SEMA3D: variants seen among roughly 807,000 people sequenced by gnomAD.
SEMA3D encodes semaphorin 3D, also known as semaphorin-3D.
Under a neutral mutation model 100.1 loss-of-function variants are expected in SEMA3D, and 84 were observed. The observed-to-expected ratio is 0.84, with a 90% CI of 0.70 to 1.01. The LOEUF is 1.01. Ranked by LOEUF, SEMA3D falls within the 50% of genes least tolerant of loss-of-function variation. The pLI is 0.00. For synonymous variants in SEMA3D, 312 were observed against 320.7 expected, an observed-to-expected ratio of 0.97 and a Z score of 0.29; for missense variants, 875 against 934.1, an observed-to-expected ratio of 0.94 and a Z score of 0.82.
At chr7:85,107,024 T>C (rs961023004) in intron 3 of SEMA3D, among the ~76,000 whole-genome samples, 1 of 152,034 alleles carries the variant, frequency 6.6e-6, no homozygotes, top group Non-Finnish European at 1.5e-5. Context: ...TCCAAGACTT[T>C]GAATGTGTCT....
intron 2 of SEMA3D, chr7:85,142,786 A>G: frequency 3.0e-6 from 3 of 984,670 alleles, no homozygotes; most frequent in Non-Finnish European, 3.6e-6. Flanking sequence ...CATGATGTGA[A>G]TGGAATAACC....
intron 2 of SEMA3D, among the ~76,000 whole-genome samples, chr7:85,145,116 T>C (rs963520419): frequency 1.3e-5 from 2 of 152,174 alleles, no homozygotes; most frequent in Non-Finnish European, 1.5e-5. Flanking sequence ...TTTTAAACTC[T>C]TTCTGGAATG....
intron 2 of SEMA3D, among the ~76,000 whole-genome samples, chr7:85,145,576 A>G (rs117091479): frequency 0.025 from 3,827 of 152,210 alleles, 91 homozygotes; most frequent in South Asian, 0.08. Flanking sequence ...ATTATCAGGA[A>G]TCACATCTTG....
chr7:85,222,163 C>A, the SEMA3D span, among the ~76,000 whole-genome samples: 1 of 152,028 alleles, frequency 6.6e-6, no homozygotes. Flanking sequence ...TATTTTGCTA[C>A]CATTTACTAA....
chr7:85,158,338 G>A (rs556704313), intron 1 of SEMA3D, among the ~76,000 whole-genome samples: 5 of 152,242 alleles, frequency 3.3e-5, no homozygotes, highest in African/African-American at 1.2e-4. Flanking sequence ...ATCCCTGAGG[G>A]GAGGCCTCGA....
At chr7:85,218,681 AAATT>A in the SEMA3D span, among the ~76,000 whole-genome samples, 4 of 152,120 alleles carry the variant, frequency 2.6e-5, no homozygotes, top group Admixed American at 6.6e-5. Context: ...CTTTAAAGAA[AAATT>A]AATACATACA....
At chr7:85,204,915 T>C in the SEMA3D span, among the ~76,000 whole-genome samples, 1 of 152,070 alleles carries the variant, frequency 6.6e-6, no homozygotes, top group Non-Finnish European at 1.5e-5. Flanking sequence ...TCCTAATAAA[T>C]AGTAACATCA....
chr7:85,072,281 C>T (rs765779160), intron 6 of SEMA3D, among the ~76,000 whole-genome samples: 1 of 152,108 alleles, frequency 6.6e-6, no homozygotes, highest in African/African-American at 2.4e-5. Flanking sequence ...TTCCATTATG[C>T]CAATTTGGTC....
intron 9 of SEMA3D, among the ~76,000 whole-genome samples, chr7:85,047,233 G>A (rs1383731479): frequency 6.6e-6 from 1 of 151,850 alleles, no homozygotes; most frequent in African/African-American, 2.4e-5. Context: ...GTACATCTGA[G>A]TCATTTGATT....
chr7:85,250,124 C>G, the SEMA3D span, among the ~76,000 whole-genome samples: 1 of 152,192 alleles, frequency 6.6e-6, no homozygotes, highest in South Asian at 2.1e-4. Context: ...CCTGGAGAAT[C>G]GGGTCACTCC....
chr7:85,015,087 A>G lies in SEMA3D; in HGVS notation c.1675T>C (p.Cys559Arg). The G allele has an allele frequency of 1.9e-6, 3 of 1,611,674 alleles. No homozygotes were observed. Among genetic ancestry groups the G allele is most frequent in the Non-Finnish European group, 2.5e-6 (3 of 1,178,464 alleles). Reference protein sequence around the residue: ...DPYCAWDGNACSRYAPTSKRR... With the variant: ...DPYCAWDGNARSRYAPTSKRR... ...TTAGAAGTAGGAGCATATCGAGAGC[A>G]TGCATTTCCATCCCAGGCACAGTAG... The change falls in exon 16 of 19, where the codon TGC becomes CGC. Residue 559 changes from cysteine to arginine, a missense_variant. By Grantham distance (180) the Cys-to-Arg change is radical. Coordinates refer to ENST00000284136, the MANE Select transcript of SEMA3D (RefSeq NM_001384900.1).
intron 14 of SEMA3D, 62 bp from the exon 15 acceptor site, chr7:85,018,355 A>G: frequency 9.5e-7 from 1 of 1,053,856 alleles, no homozygotes; most frequent in South Asian, 1.3e-5. Context: ...ATTAAACAAT[A>G]TGTTGTTTTA....
At chr7:85,013,324 A>G (rs1431249728) in intron 16 of SEMA3D, among the ~76,000 whole-genome samples, 1 of 151,802 alleles carries the variant, frequency 6.6e-6, no homozygotes, top group African/African-American at 2.4e-5. Flanking sequence ...ATTAAGCAAC[A>G]AACTAAATAC....
At chr7:85,250,009 A>G in the SEMA3D span, among the ~76,000 whole-genome samples, 6 of 151,712 alleles carry the variant, frequency 4.0e-5, no homozygotes, top group African/African-American at 1.5e-4. Context: ...CAGCGGGTGC[A>G]CGCACCGTGC....
intron 17 of SEMA3D, among the ~76,000 whole-genome samples, chr7:85,009,113 C>G (rs1055141998): frequency 6.6e-6 from 1 of 151,348 alleles, no homozygotes; most frequent in Admixed American, 6.6e-5. Context: ...AGTTATATAC[C>G]ATAGTGTTTT....
intron 9 of SEMA3D, among the ~76,000 whole-genome samples, chr7:85,047,371 C>A (rs1791039811): frequency 6.6e-6 from 1 of 151,742 alleles, no homozygotes; most frequent in African/African-American, 2.4e-5. Flanking sequence ...AAAACTTAAA[C>A]CCTTATAAAT....
At chr7:85,199,732 C>T in the SEMA3D span, among the ~76,000 whole-genome samples, 1 of 152,028 alleles carries the variant, frequency 6.6e-6, no homozygotes, top group Admixed American at 6.6e-5. Flanking sequence ...CTTGTTGATA[C>T]TGTTAATTTT....
At chr7:85,040,567 T>G in intron 11 of SEMA3D, 106 bp downstream of exon 11, 1 of 642,034 alleles carries the variant, frequency 1.6e-6, no homozygotes, top group Non-Finnish European at 2.8e-6. Context: ...AAAAAAAAGT[T>G]TACGATATGC....
intron 3 of SEMA3D, among the ~76,000 whole-genome samples, chr7:85,102,073 C>A (rs1788763286): frequency 6.6e-6 from 1 of 151,750 alleles, no homozygotes; most frequent in Non-Finnish European, 1.5e-5. Context: ...CAGTGTGGAA[C>A]CAGTTATGTA....
Sources: allele counts gnomAD v4.1 joint callset (sites outside exome capture counted in the v4.1 genomes callset), GRCh38; gene constraint gnomAD v4.1.1; transcripts MANE v1.5; gene names NCBI Gene and HGNC (gene_info 2026-07-23, HGNC 2026-07-21).